Variants in CERT1 observed in about 807,000 individuals in gnomAD.
The protein encoded by CERT1 is ceramide transfer protein.
CERT1 carries 31 observed loss-of-function variants against 87.9 expected under a neutral mutation model. The observed-to-expected ratio is 0.35, with a 90% CI of 0.27 to 0.48. The LOEUF (loss-of-function observed/expected upper bound fraction) is 0.48, where lower values mean the gene tolerates loss of function less well. Ranked by LOEUF, CERT1 falls within the 20% of genes least tolerant of loss-of-function variation. The pLI is 0.99. For synonymous variants in CERT1, 289 were observed against 250.9 expected (o/e 1.15, Z -1.44); for missense variants, 487 against 758.0 (o/e 0.64, Z 4.20).
At chr5:75,471,539 T>TCATG (rs1561286610) in intron 2 of CERT1, among the ~76,000 whole-genome samples, 1 of 151,792 alleles carries the variant, frequency 6.6e-6, no homozygotes, top group Non-Finnish European at 1.5e-5. Flanking sequence ...GGCAGGCAGA[T>TCATG]CATGAGGTCA....
intron 2 of CERT1, among the ~76,000 whole-genome samples, chr5:75,459,645 T>C (rs958785848): frequency 6.6e-6 from 1 of 152,154 alleles, no homozygotes; most frequent in Non-Finnish European, 1.5e-5. Context: ...CACCATGCCC[T>C]GCTAATTTTT....
At chr5:75,447,781 T>C (rs886224817) in intron 3 of CERT1, among the ~76,000 whole-genome samples, 2 of 151,994 alleles carry the variant, frequency 1.3e-5, no homozygotes, top group Admixed American at 6.6e-5. Context: ...GCCTCCTTTT[T>C]TTTTTTGTTA....
At chr5:75,496,743 T>C (rs1767087185) in intron 2 of CERT1, among the ~76,000 whole-genome samples, 1 of 152,182 alleles carries the variant, frequency 6.6e-6, no homozygotes, top group Non-Finnish European at 1.5e-5. Flanking sequence ...CATGATTCCA[T>C]GTATATAATA....
intron 2 of CERT1, among the ~76,000 whole-genome samples, chr5:75,469,993 T>A (rs926943851): frequency 6.6e-6 from 1 of 152,180 alleles, no homozygotes. Flanking sequence ...TATTGATAAT[T>A]CAGCAAGAGG....
intron 1 of CERT1, among the ~76,000 whole-genome samples, chr5:75,508,092 CT>C (rs1188771737): frequency 1.3e-5 from 2 of 152,124 alleles, no homozygotes; most frequent in African/African-American, 4.8e-5. Context: ...GAGTCTCTAG[CT>C]CCAAAACTTA....
At chr5:75,458,745 T>C (rs1303421545) in intron 3 of CERT1, among the ~76,000 whole-genome samples, 1 of 152,116 alleles carries the variant, frequency 6.6e-6, no homozygotes, top group East Asian at 1.9e-4. Context: ...AGAAAAGGGA[T>C]TTCACCATGC....
chr5:75,445,561 G>A (rs113281510), intron 3 of CERT1, among the ~76,000 whole-genome samples: 57 of 152,278 alleles, frequency 3.7e-4, no homozygotes, highest in African/African-American at 8.9e-4. Context: ...CTGGGCTCAA[G>A]TGACTCTCCT....
intron 2 of CERT1, among the ~76,000 whole-genome samples, chr5:75,477,812 GCTAATTGTTTTCATTTA>G (rs1426813485): frequency 3.9e-5 from 6 of 151,980 alleles, no homozygotes; most frequent in Non-Finnish European, 8.8e-5. Context: ...TATGAGTAGA[GCTAATTGTTTTCATTTA>G]CTAATTGTTT....
At chr5:75,462,874 C>A (rs557282157) in intron 2 of CERT1, among the ~76,000 whole-genome samples, 2 of 151,478 alleles carry the variant, frequency 1.3e-5, no homozygotes, top group Non-Finnish European at 2.9e-5. Context: ...CGCCTGTAGT[C>A]CCAGCTACTC....
In CERT1 at chr5:75,479,082, C is replaced by G. The variant is rs193252750; in HGVS notation, c.232-19901G>C. 3.3e-5 allele frequency among the ~76,000 whole-genome samples: 5 copies of G among 151,546 alleles called. No individual in the cohort carries two copies. In the East Asian group the frequency reaches 9.7e-4, roughly 29 times the overall value. On this transcript the variant is annotated intron_variant, in intron 2 of 16. Coordinates refer to ENST00000643780, the MANE Select transcript of CERT1 (RefSeq NM_001379029.1). ...CAATATTAAGCAGAAACAGGTAAGT[C>G]CCCTATGATATTAAATGGGACAAAA...
downstream of CERT1, chr5:75,373,753 CAG>C (rs1350811297): frequency 4.5e-6 from 1 of 223,588 alleles, no homozygotes; most frequent in African/African-American, 2.3e-5. Flanking sequence ...ATTTGGTGCA[CAG>C]AAAGCACATG....
Position 75,385,945 on chromosome 5 carries a change from G to A in CERT1, c.1374C>T (p.Val458=). Residue 458 remains valine, a synonymous_variant, in exon 13 of 17, where the codon GTC becomes GTT. Coordinates refer to ENST00000643780, the MANE Select transcript of CERT1 (RefSeq NM_001379029.1). ...CGTCAACATTCCAGAAATAATTGCA[G>A]ACTTCATGTCCTGTGACGCCTTTAA... The part of the protein sequence containing the change: ...HAVKGVTGHE[V]CNYFWNVDVR... The A allele has an allele frequency of 6.3e-7, 1 of 1,576,660 alleles. No homozygotes were observed. The highest frequency in any genetic ancestry group is 1.2e-5 in the South Asian group (1 of 81,978).
chr5:75,497,372 C>T (rs1168560878), intron 2 of CERT1, among the ~76,000 whole-genome samples: 1 of 152,124 alleles, frequency 6.6e-6, no homozygotes, highest in Admixed American at 6.5e-5. Context: ...CTTTTAATTA[C>T]ATAATCATTC....
chr5:75,447,572 G>T (rs1420727657), intron 3 of CERT1, among the ~76,000 whole-genome samples: 1 of 151,836 alleles, frequency 6.6e-6, no homozygotes, highest in Admixed American at 6.6e-5. Flanking sequence ...CCAGGTTCAT[G>T]CCATTCTCCC....
intron 2 of CERT1, among the ~76,000 whole-genome samples, chr5:75,497,225 A>G (rs1484251308): frequency 6.6e-6 from 1 of 152,154 alleles, no homozygotes; most frequent in Non-Finnish European, 1.5e-5. Flanking sequence ...TCCCCCTTTG[A>G]TAAAAGGGTC....
At chr5:75,509,377 A>G (rs1767807683) in intron 1 of CERT1, among the ~76,000 whole-genome samples, 1 of 152,170 alleles carries the variant, frequency 6.6e-6, no homozygotes, top group Admixed American at 6.5e-5. Context: ...CTTCCAGAAA[A>G]CTGTATATAA....
At chr5:75,401,312 A>G (rs1028286187) in intron 9 of CERT1, 1 of 152,206 alleles carries the variant, frequency 6.6e-6, no homozygotes, top group African/African-American at 2.4e-5. Flanking sequence ...ACCCAACTCA[A>G]TCACCATACT....
At chr5:75,461,521 T>C (rs182799794) in intron 2 of CERT1, among the ~76,000 whole-genome samples, 4 of 152,206 alleles carry the variant, frequency 2.6e-5, no homozygotes, top group Admixed American at 2.0e-4. Context: ...TTGCTGTAAG[T>C]AGCCCAGGAG....
At chr5:75,426,340 G>T in intron 4 of CERT1, 31 bp downstream of exon 4, 3 of 1,463,056 alleles carry the variant, frequency 2.1e-6, no homozygotes, top group Non-Finnish European at 2.9e-6. Flanking sequence ...AATTTATGTT[G>T]TTTAACTTAA....
Sources: allele counts gnomAD v4.1 joint callset (sites outside exome capture counted in the v4.1 genomes callset), GRCh38; gene constraint gnomAD v4.1.1; transcripts MANE v1.5; gene names NCBI Gene and HGNC (gene_info 2026-07-23, HGNC 2026-07-21).